Variants in PREX1 observed in about 807,000 individuals in gnomAD.
PREX1 encodes the protein phosphatidylinositol 3,4,5-trisphosphate-dependent Rac exchanger 1 protein.
Under a neutral mutation model 198.3 loss-of-function variants are expected in PREX1, and 41 were observed. The ratio of observed to expected loss-of-function variants is 0.21; its 90% CI spans 0.16 to 0.27. The LOEUF (loss-of-function observed/expected upper bound fraction) is 0.27, where lower values mean the gene tolerates loss of function less well. Ranked by LOEUF, PREX1 falls within the 10% of genes least tolerant of loss-of-function variation. PREX1 has a pLI of 1.00. For synonymous variants in PREX1, 843 were observed against 887.2 expected (o/e 0.95, Z 0.89); for missense variants, 1,620 against 2,200.7 (o/e 0.74, Z 5.28).
At chr20:48,663,786 C>G (rs1344987992) in intron 15 of PREX1, among the ~76,000 whole-genome samples, 1 of 152,218 alleles carries the variant, frequency 6.6e-6, no homozygotes, top group Non-Finnish European at 1.5e-5. Context: ...TTGCAACCAC[C>G]AGGTCCCAGC....
chr20:48,660,649 A>G (rs56172784), intron 15 of PREX1, among the ~76,000 whole-genome samples: 26,692 of 152,174 alleles, frequency 0.18, 2,463 homozygotes, highest in Middle Eastern at 0.3. Context: ...CTTGTACTAG[A>G]CTAAAATTAA....
chr20:48,848,320 T>C, the PREX1 span, among the ~76,000 whole-genome samples: 3 of 151,790 alleles, frequency 2.0e-5, no homozygotes, highest in Non-Finnish European at 2.9e-5. Context: ...AGTGGCACAA[T>C]TGTGGCTCAC....
chr20:48,692,583 G>T lies in PREX1; in HGVS notation c.1036+89C>A, dbSNP rs1213490654. The T allele has an allele frequency of 3.5e-6, 4 of 1,131,396 alleles. No homozygotes were observed. In the East Asian group the frequency reaches 1.0e-4, roughly 29 times the overall value. 70.1% of individuals were successfully genotyped at this position (1,131,396 alleles called of 1,614,324 possible). On this transcript the variant is annotated intron_variant, in intron 8 of 39. Transcript: ENST00000371941. ...AGGTAGATTACATCTCATGATAAAAGAAAAAAATATATTTAAATGAAACAG... is the reference window on the plus strand; with the variant it reads ...AGGTAGATTACATCTCATGATAAAATAAAAAAATATATTTAAATGAAACAG...
chr20:48,669,256 G>A (rs558856559), intron 14 of PREX1, among the ~76,000 whole-genome samples: 1 of 151,936 alleles, frequency 6.6e-6, no homozygotes, highest in Non-Finnish European at 1.5e-5. Context: ...CAGGTCTCAG[G>A]GCCGTACCAC....
intron 1 of PREX1, among the ~76,000 whole-genome samples, chr20:48,819,577 T>C (rs1055730684): frequency 1.3e-5 from 2 of 152,208 alleles, no homozygotes; most frequent in Non-Finnish European, 2.9e-5. Flanking sequence ...CTCCCGGCTT[T>C]AGTTTCCCCA....
chr20:48,726,483 G>A, intron 4 of PREX1, 92 bp from the exon 5 acceptor site: 1 of 890,028 alleles, frequency 1.1e-6, no homozygotes. Flanking sequence ...TCAGAGCACA[G>A]CTACAATCAC....
intron 1 of PREX1, among the ~76,000 whole-genome samples, chr20:48,796,243 G>A (rs1343782607): frequency 6.6e-6 from 1 of 151,494 alleles, no homozygotes; most frequent in Non-Finnish European, 1.5e-5. Flanking sequence ...ACCATGATTT[G>A]TAATGGCAAA....
At chr20:48,640,918 G>A (rs1384013092) in intron 29 of PREX1, among the ~76,000 whole-genome samples, 1 of 151,458 alleles carries the variant, frequency 6.6e-6, no homozygotes, top group East Asian at 2.0e-4. Context: ...TAGATGGTAA[G>A]TGGGTAGTTG....
intron 1 of PREX1, among the ~76,000 whole-genome samples, chr20:48,782,632 A>C (rs992186118): frequency 2.0e-5 from 3 of 152,164 alleles, no homozygotes; most frequent in Admixed American, 6.5e-5. Context: ...CGGCCAGGGA[A>C]GGTCTTCTGA....
chr20:48,653,904 C>T (rs1054920307), intron 19 of PREX1, among the ~76,000 whole-genome samples: 11 of 152,372 alleles, frequency 7.2e-5, no homozygotes, highest in South Asian at 2.1e-4. Context: ...CCAACCAGGC[C>T]TATGAGACTC....
chr20:48,661,434 AAAAAAAAAAAATAT>A (rs1301650537), intron 15 of PREX1, among the ~76,000 whole-genome samples: 2 of 96,562 alleles, frequency 2.1e-5, no homozygotes, highest in African/African-American at 1.5e-4. Context: ...AAAAAAAAAA[AAAAAAAAAAAATAT>A]ATATATATAT....
chr20:48,629,391 C>A, intron 37 of PREX1, 58 bp downstream of exon 37: 1 of 1,583,484 alleles, frequency 6.3e-7, no homozygotes, highest in Non-Finnish European at 8.6e-7. Context: ...GGACCCCAAA[C>A]TGACCAGAAG....
Position 48,827,673 on chromosome 20 carries a change from T to C in PREX1, c.188A>G (p.Asp63Gly). Residue 63 changes from aspartate (D) to glycine (G), a missense_variant, in exon 1 of 40, where the codon GAC (aspartate) becomes GGC (glycine). This residue lies in a region of PREX1 where 96 missense variants were observed against 98.7 expected (regional missense o/e 0.97). Transcript: ENST00000371941. The surrounding 1 kb of genome is among the most constrained non-coding windows in gnomAD (Gnocchi z 4.1). ...CAAGAAGCGCAAGGTGCCCACGTAG[T>C]CCCTCTCGGTGCCCAAGATCTCGTT... ...VLNEILGTERDYVGTLRFLQS... is the reference protein window; with the variant it reads ...VLNEILGTERGYVGTLRFLQS... 2.2e-6 allele frequency: 3 copies of C among 1,356,354 alleles called. No homozygotes were observed. The South Asian group carries it at 5.7e-5, about 26-fold the overall frequency. The allele number at this position is 1,356,354 out of a possible 1,614,324, so 84.0% of individuals were successfully genotyped here. A position where few individuals can be genotyped will look rare whatever the true frequency, so the allele number is the denominator to read the frequency against.
intron 5 of PREX1, among the ~76,000 whole-genome samples, chr20:48,724,561 C>G (rs1280018814): frequency 6.6e-6 from 1 of 152,248 alleles, no homozygotes; most frequent in Non-Finnish European, 1.5e-5. Flanking sequence ...TTAGGCTCTG[C>G]TGGCTACATC....
chr20:48,732,116 CCCAG>C (rs749939542), intron 4 of PREX1, among the ~76,000 whole-genome samples: 1 of 152,170 alleles, frequency 6.6e-6, no homozygotes, highest in Non-Finnish European at 1.5e-5. Flanking sequence ...TTGCATTCTG[CCCAG>C]ACTATTTTAT....
At chr20:48,797,601 TCAATGATCTTCCC>T (rs1254060796) in intron 1 of PREX1, among the ~76,000 whole-genome samples, 1 of 151,984 alleles carries the variant, frequency 6.6e-6, no homozygotes, top group Non-Finnish European at 1.5e-5. Context: ...CCGCTCTTTC[TCAATGATCTTCCC>T]CAGAGAGAAA....
In PREX1 at chr20:48,710,250, G is replaced by A. The variant is rs142685450; in HGVS notation, c.622-1829C>T. ...CACCCAGGGCCAGCTCTGCTAATGC[G>A]GAGTGTATTTCGACTCATTCTTCAC... On this transcript the variant is annotated intron_variant, in intron 5 of 39. Coordinates refer to ENST00000371941, the MANE Select transcript of PREX1 (RefSeq NM_020820.4). 3.2e-3 allele frequency among the ~76,000 whole-genome samples: 487 copies of A among 152,318 alleles called. 2 individuals are homozygous for A. Among genetic ancestry groups the A allele is most frequent in the African/African-American group, 0.011 (468 of 41,566 alleles).
chr20:48,637,672 G>T, intron 31 of PREX1, 39 bp downstream of exon 31: 1 of 1,570,896 alleles, frequency 6.4e-7, no homozygotes, highest in Non-Finnish European at 8.7e-7. Context: ...GGTGGAAGAG[G>T]CCGGGTATGT....
intron 17 of PREX1, among the ~76,000 whole-genome samples, chr20:48,657,492 A>G (rs1329053051): frequency 6.6e-6 from 1 of 152,166 alleles, no homozygotes; most frequent in Non-Finnish European, 1.5e-5. Context: ...TGGCCATCTT[A>G]TGTCTGTTAG....
Sources: allele counts gnomAD v4.1 joint callset (sites outside exome capture counted in the v4.1 genomes callset), GRCh38; gene constraint gnomAD v4.1.1; regional missense constraint gnomAD v4.1.1; non-coding constraint Gnocchi (gnomAD v3.1); transcripts MANE v1.5; gene names NCBI Gene and HGNC (gene_info 2026-07-23, HGNC 2026-07-21).